Variants in CACNA1A observed in about 807,000 individuals in gnomAD.
CACNA1A encodes the protein calcium voltage-gated channel subunit alpha1 A.
CACNA1A carries 57 observed loss-of-function variants against 262.4 expected under a neutral mutation model. The ratio of observed to expected loss-of-function variants is 0.22; its 90% CI spans 0.18 to 0.27. CACNA1A has a LOEUF of 0.27. Ranked by LOEUF, CACNA1A falls within the 10% of genes least tolerant of loss-of-function variation. CACNA1A has a pLI of 1.00. For synonymous variants in CACNA1A, 1,431 were observed against 1,419.3 expected (o/e 1.01, Z -0.18); for missense variants, 2,526 against 3,562.8 (o/e 0.71, Z 7.41).
intron 3 of CACNA1A, among the ~76,000 whole-genome samples, chr19:13,430,238 C>T (rs1377991200): frequency 1.3e-5 from 2 of 151,614 alleles, no homozygotes; most frequent in African/African-American, 4.9e-5. Flanking sequence ...CAGAGTTTCG[C>T]TCTTGTGGCC....
chr19:13,378,889 G>T (rs1247990998), intron 3 of CACNA1A, among the ~76,000 whole-genome samples: 5 of 150,922 alleles, frequency 3.3e-5, no homozygotes, highest in African/African-American at 1.2e-4. Flanking sequence ...GGCTGGTTTT[G>T]AACTCCTGAC....
At chr19:13,412,882 G>T (rs1423765525) in intron 3 of CACNA1A, among the ~76,000 whole-genome samples, 2 of 152,170 alleles carry the variant, frequency 1.3e-5, no homozygotes, top group African/African-American at 4.8e-5. Flanking sequence ...GACTACTTTG[G>T]TAGGCATTTC....
intron 3 of CACNA1A, among the ~76,000 whole-genome samples, chr19:13,394,544 C>A (rs78295868): frequency 0.011 from 1,661 of 152,148 alleles, 22 homozygotes; most frequent in African/African-American, 0.038. Context: ...TAAGAGGATA[C>A]CTGCAGGAAA....
chr19:13,324,719 C>T (rs2058320734), intron 10 of CACNA1A, among the ~76,000 whole-genome samples: 1 of 151,816 alleles, frequency 6.6e-6, no homozygotes, highest in African/African-American at 2.4e-5. Flanking sequence ...ACATCAACAA[C>T]AACAACAAAT....
At chr19:13,439,323 T>G (rs535023638) in intron 3 of CACNA1A, among the ~76,000 whole-genome samples, 1 of 151,884 alleles carries the variant, frequency 6.6e-6, no homozygotes, top group African/African-American at 2.4e-5. Context: ...TTAGCCAGGA[T>G]GGTCTCGATT....
intron 1 of CACNA1A, among the ~76,000 whole-genome samples, chr19:13,502,787 T>C (rs1025881379): frequency 6.6e-6 from 1 of 152,178 alleles, no homozygotes. Context: ...GAAATCATAG[T>C]GACAAATTGC....
intron 3 of CACNA1A, among the ~76,000 whole-genome samples, chr19:13,387,490 G>A (rs115079419): frequency 2.6e-3 from 402 of 152,194 alleles, no homozygotes; most frequent in African/African-American, 9.3e-3. Context: ...TGCGTGCTAC[G>A]TCTGGTTTTA....
intron 1 of CACNA1A, among the ~76,000 whole-genome samples, chr19:13,503,883 G>A (rs1211826990): frequency 6.6e-6 from 1 of 152,018 alleles, no homozygotes; most frequent in Non-Finnish European, 1.5e-5. Flanking sequence ...AGCAACACTC[G>A]CAATTCACCT....
chr19:13,239,184 G>A (rs1033318856), intron 31 of CACNA1A, among the ~76,000 whole-genome samples: 79 of 149,640 alleles, frequency 5.3e-4, no homozygotes, highest in Non-Finnish European at 3.0e-4. Context: ...ATATAGCCCC[G>A]CCCTCCCCAG....
intron 18 of CACNA1A, 61 bp downstream of exon 18, chr19:13,300,489 G>T: frequency 8.4e-7 from 1 of 1,185,556 alleles, no homozygotes; most frequent in Non-Finnish European, 1.3e-6. Flanking sequence ...CCAAATCTGT[G>T]CCTGGGATAG....
At chr19:13,306,162 C>T (rs1211644711) in intron 15 of CACNA1A, among the ~76,000 whole-genome samples, 1 of 152,080 alleles carries the variant, frequency 6.6e-6, no homozygotes, top group Non-Finnish European at 1.5e-5. Context: ...AAACTACCTC[C>T]CCAGGAGAAG....
At chr19:13,340,008 C>T (rs1600373774) in intron 6 of CACNA1A, among the ~76,000 whole-genome samples, 1 of 152,148 alleles carries the variant, frequency 6.6e-6, no homozygotes, top group East Asian at 1.9e-4. Context: ...ATCACTTTGG[C>T]GGCTGAGGGT....
intron 6 of CACNA1A, among the ~76,000 whole-genome samples, chr19:13,340,631 T>C (rs2058662397): frequency 6.6e-6 from 1 of 152,024 alleles, no homozygotes; most frequent in African/African-American, 2.4e-5. Context: ...TTGACCATGT[T>C]GGCCAGGCTG....
chr19:13,402,757 C>CACATATAT (rs2059919048), intron 3 of CACNA1A, among the ~76,000 whole-genome samples: 1 of 140,830 alleles, frequency 7.1e-6, no homozygotes, highest in African/African-American at 2.7e-5. Flanking sequence ...TATATATACA[C>CACATATAT]ACATATATAT....
chr19:13,398,528 G>A (rs1466566732), intron 3 of CACNA1A, among the ~76,000 whole-genome samples: 2 of 152,206 alleles, frequency 1.3e-5, no homozygotes, highest in Non-Finnish European at 2.9e-5. Flanking sequence ...GGTTCAATAA[G>A]TGTTTGTTGA....
At chr19:13,289,110 G>A (rs937439728) in intron 19 of CACNA1A, among the ~76,000 whole-genome samples, 1 of 151,642 alleles carries the variant, frequency 6.6e-6, no homozygotes, top group East Asian at 1.9e-4. Context: ...TCAGAAGACA[G>A]GCTGACCTGG....
intron 11 of CACNA1A, chr19:13,315,678 G>A (rs1269085349): frequency 6.6e-6 from 1 of 152,368 alleles, no homozygotes; most frequent in Non-Finnish European, 1.5e-5. Context: ...TTCCTGAGGG[G>A]TGTCCTGGGG....
chr19:13,435,732 A>G (rs1168900164), intron 3 of CACNA1A, among the ~76,000 whole-genome samples: 1 of 152,198 alleles, frequency 6.6e-6, no homozygotes, highest in Non-Finnish European at 1.5e-5. Context: ...GCACTGGAGA[A>G]GCCCATGACT....
intron 1 of CACNA1A, among the ~76,000 whole-genome samples, chr19:13,488,469 G>A (rs1980328214): frequency 7.7e-6 from 1 of 129,956 alleles, no homozygotes; most frequent in Admixed American, 9.0e-5. Flanking sequence ...TGCCATCTCA[G>A]CTTACTGCAA....
Sources: gnomAD v4.1 joint callset for allele counts (sites outside exome capture counted in the v4.1 genomes callset) on GRCh38, gnomAD v4.1.1 for gene constraint, MANE v1.5 for transcripts, NCBI Gene and HGNC (gene_info 2026-07-23, HGNC 2026-07-21) for gene names.